Variants in NAV3 observed in about 807,000 individuals in gnomAD.
The protein encoded by NAV3 is pore membrane and/or filament interacting like protein 1.
NAV3 carries 87 observed loss-of-function variants against 244.7 expected under a neutral mutation model. That is an observed-to-expected ratio of 0.36 (90% CI 0.30 to 0.42). NAV3 has a LOEUF of 0.42. Among genes scored for constraint, NAV3 ranks in the 20% least tolerant of loss-of-function variants. The pLI is 1.00. For missense variants in NAV3, 2,663 were observed against 2,893.3 expected (o/e 0.92, Z 1.83); for synonymous variants, 1,126 against 1,042.2 (o/e 1.08, Z -1.55).
intron 34 of NAV3, among the ~76,000 whole-genome samples, chr12:78,191,919 A>C (rs1424039848): frequency 1.3e-5 from 2 of 152,176 alleles, no homozygotes; most frequent in African/African-American, 2.4e-5. Context: ...AGAAAATAAG[A>C]GCAAAATAGA....
chr12:77,626,251 G>GA (rs548187675), intron 2 of NAV3, among the ~76,000 whole-genome samples: 17,196 of 141,724 alleles, frequency 0.12, 1,806 homozygotes, highest in African/African-American at 0.29. Flanking sequence ...AGTCAGACCA[G>GA]AAAAAAAAAA....
At chr12:77,997,654 G>A (rs922257685) in intron 6 of NAV3, among the ~76,000 whole-genome samples, 15 of 152,096 alleles carry the variant, frequency 9.9e-5, no homozygotes, top group Admixed American at 7.9e-4. Context: ...TTCTTGTCAC[G>A]TCTCCTCTGT....
At chr12:78,026,343 T>C (rs966272890) in intron 9 of NAV3, among the ~76,000 whole-genome samples, 1 of 152,170 alleles carries the variant, frequency 6.6e-6, no homozygotes, top group Non-Finnish European at 1.5e-5. Flanking sequence ...GATATTAACC[T>C]AGCAAATTGT....
At chr12:77,777,651 G>C (rs1201488930) in intron 2 of NAV3, among the ~76,000 whole-genome samples, 1 of 152,154 alleles carries the variant, frequency 6.6e-6, no homozygotes, top group Non-Finnish European at 1.5e-5. Context: ...TGAAACAGTG[G>C]ATAAGGGGTA....
chr12:77,977,879 A>C (rs1441878295), intron 5 of NAV3, among the ~76,000 whole-genome samples: 1 of 152,174 alleles, frequency 6.6e-6, no homozygotes, highest in African/African-American at 2.4e-5. Context: ...GCCAGAGCTC[A>C]TTTTATGATA....
At chr12:78,047,350 G>A (rs549398702) in intron 9 of NAV3, among the ~76,000 whole-genome samples, 13 of 151,904 alleles carry the variant, frequency 8.6e-5, no homozygotes, top group African/African-American at 3.2e-4. Flanking sequence ...AGCCAGGCCT[G>A]GCAACGGGTG....
chr12:78,120,892 A>C (rs1351494976), intron 15 of NAV3, among the ~76,000 whole-genome samples: 1 of 152,240 alleles, frequency 6.6e-6, no homozygotes, highest in Non-Finnish European at 1.5e-5. Flanking sequence ...TTTACAATAA[A>C]GCAATTTCAG....
chr12:77,716,001 C>T (rs1050733983), intron 2 of NAV3, among the ~76,000 whole-genome samples: 1 of 151,934 alleles, frequency 6.6e-6, no homozygotes, highest in African/African-American at 2.4e-5. Flanking sequence ...AAAGGAAAGT[C>T]ATTTACTTCT....
chr12:77,793,984 G>A (rs1278267282), intron 2 of NAV3, among the ~76,000 whole-genome samples: 1 of 152,166 alleles, frequency 6.6e-6, no homozygotes, highest in African/African-American at 2.4e-5. Context: ...ACCAGCATCT[G>A]TTGTTTCCTG....
chr12:77,972,157 T>C (rs1015330157), intron 5 of NAV3, among the ~76,000 whole-genome samples: 16 of 152,004 alleles, frequency 1.1e-4, no homozygotes, highest in Admixed American at 7.9e-4. Context: ...TATAGGTGCA[T>C]GGGTCATGTG....
chr12:78,011,875 C>A (rs991587947), intron 8 of NAV3, among the ~76,000 whole-genome samples: 2 of 152,104 alleles, frequency 1.3e-5, no homozygotes, highest in Non-Finnish European at 2.9e-5. Context: ...AAGCAAGGCA[C>A]GTCTTACATG....
chr12:77,621,175 TTTATAAAA>T (rs1592511623), intron 2 of NAV3, among the ~76,000 whole-genome samples: 2 of 152,358 alleles, frequency 1.3e-5, no homozygotes, highest in East Asian at 3.9e-4. Flanking sequence ...AGGTTTACCA[TTTATAAAA>T]TTATTTCTCC....
intron 1 of NAV3, among the ~76,000 whole-genome samples, chr12:77,855,248 A>C (rs1878216522): frequency 6.6e-6 from 1 of 152,212 alleles, no homozygotes; most frequent in African/African-American, 2.4e-5. Context: ...ATATTTATAC[A>C]GTTATCCAAC....
chr12:77,791,544 C>A (rs1871175293), intron 2 of NAV3, among the ~76,000 whole-genome samples: 1 of 151,988 alleles, frequency 6.6e-6, no homozygotes, highest in African/African-American at 2.4e-5. Flanking sequence ...TCATTTAAAC[C>A]ATATAACTCC....
At chr12:77,587,247 A>C (rs1162090267) in intron 2 of NAV3, among the ~76,000 whole-genome samples, 1 of 152,164 alleles carries the variant, frequency 6.6e-6, no homozygotes, top group Non-Finnish European at 1.5e-5. Flanking sequence ...TGGGGGATGA[A>C]ATGCTGTTTC....
At chr12:77,775,428 G>A (rs1296135800) in intron 2 of NAV3, among the ~76,000 whole-genome samples, 1 of 147,758 alleles carries the variant, frequency 6.8e-6, no homozygotes, top group Non-Finnish European at 1.5e-5. Context: ...GTCATTTTTT[G>A]GCTCTTTAAG....
chr12:78,120,108 A>G (rs1955608181), intron 15 of NAV3, among the ~76,000 whole-genome samples, 163 bp downstream of exon 15: 1 of 151,806 alleles, frequency 6.6e-6, no homozygotes, highest in Non-Finnish European at 1.5e-5. Context: ...GAAGCTTATC[A>G]TATAAACAGC....
intron 12 of NAV3, among the ~76,000 whole-genome samples, chr12:78,089,743 T>C (rs910941415): frequency 1.1e-4 from 16 of 152,266 alleles, no homozygotes; most frequent in Non-Finnish European, 2.4e-4. Flanking sequence ...ATAGCCAGTA[T>C]ACATCCATCC....
chr12:77,968,768 A>G, intron 5 of NAV3, 66 bp downstream of exon 5: 1 of 1,471,874 alleles, frequency 6.8e-7, no homozygotes, highest in Non-Finnish European at 9.3e-7. Context: ...TTTTTAACAA[A>G]TTATTGTCCA....
Sources: allele counts gnomAD v4.1 joint callset (sites outside exome capture counted in the v4.1 genomes callset), GRCh38; gene constraint gnomAD v4.1.1; transcripts MANE v1.5; gene names NCBI Gene and HGNC (gene_info 2026-07-23, HGNC 2026-07-21).